Variants in GK5 observed in about 807,000 individuals in gnomAD.
GK5 encodes the protein ATP:glycerol 3-phosphotransferase 5.
In GK5, 39 loss-of-function variants were observed where a neutral mutation model predicts 77.3. The observed-to-expected ratio is 0.50, with a 90% CI of 0.39 to 0.66. The LOEUF (loss-of-function observed/expected upper bound fraction) is 0.66. Among genes scored for constraint, GK5 ranks in the 30% least tolerant of loss-of-function variants. GK5 has a pLI of 0.00. For synonymous variants in GK5, 211 were observed against 208.0 expected (o/e 1.01, Z -0.13); for missense variants, 487 against 633.8 (o/e 0.77, Z 2.49).
At chr3:142,192,701 T>A (rs1285223759) in intron 5 of GK5, among the ~76,000 whole-genome samples, 2 of 151,266 alleles carry the variant, frequency 1.3e-5, no homozygotes, top group Non-Finnish European at 2.9e-5. Context: ...GAGGTAGAGG[T>A]TGCAGTGAGC....
chr3:142,216,472 A>C (rs1214327129), intron 1 of GK5, among the ~76,000 whole-genome samples: 1 of 152,072 alleles, frequency 6.6e-6, no homozygotes, highest in African/African-American at 2.4e-5. Flanking sequence ...ATCCTGAGGA[A>C]GGTAAAACTT....
At chr3:142,199,229 T>G (rs529216433) in intron 4 of GK5, among the ~76,000 whole-genome samples, 3 of 152,142 alleles carry the variant, frequency 2.0e-5, no homozygotes, top group Non-Finnish European at 4.4e-5. Context: ...CTCTACCTAT[T>G]TTTAACTATG....
At chr3:142,186,632 T>C (rs990415930) in intron 6 of GK5, 119 bp from the exon 7 acceptor site, 142 of 258,666 alleles carry the variant, frequency 5.5e-4, no homozygotes, top group Admixed American at 8.7e-4. Flanking sequence ...TGTATTTTCT[T>C]TTTTTTTTTT....
At chr3:142,201,778 T>G (rs1197713202) in intron 4 of GK5, among the ~76,000 whole-genome samples, 1 of 152,216 alleles carries the variant, frequency 6.6e-6, no homozygotes, top group East Asian at 1.9e-4. Flanking sequence ...GGGGAGAAAG[T>G]GCAAAGAGTC....
rs1453172956 is a variant in GK5 at position 142,191,759 on chromosome 3, T to C, written c.544-3980A>G. Among the ~76,000 whole-genome samples, 5 of 152,046 alleles carry C rather than the reference T, an allele frequency of 3.3e-5. No individual in the cohort carries two copies. The East Asian group carries it at 9.6e-4, about 29-fold the overall frequency. ...ATCACTTGAACCCAGGAAGTAGAGG[T>C]TGCAGTGAGCCGAGATGATGCCAAT... On this transcript the variant is annotated intron_variant, in intron 5 of 15. Coordinates refer to ENST00000392993, the MANE Select transcript of GK5 (RefSeq NM_001039547.3).
intron 12 of GK5, among the ~76,000 whole-genome samples, chr3:142,172,855 C>T (rs996136823): frequency 1.7e-4 from 26 of 152,178 alleles, no homozygotes; most frequent in African/African-American, 5.8e-4. Context: ...TAGCTTTCTA[C>T]AAAAATGTAC....
At chr3:142,211,480 T>C (rs778622396) in intron 3 of GK5, among the ~76,000 whole-genome samples, 2 of 152,088 alleles carry the variant, frequency 1.3e-5, no homozygotes, top group Non-Finnish European at 2.9e-5. Flanking sequence ...CAATCTGAGA[T>C]GCAGCATGTC....
chr3:142,168,566 A>G (rs1376119413), intron 15 of GK5, among the ~76,000 whole-genome samples: 1 of 152,152 alleles, frequency 6.6e-6, no homozygotes. Context: ...ATCCCCCAGA[A>G]AGAAACACAT....
At position 142,216,797 on chromosome 3, in the gene GK5, T is replaced by C. The variant is rs78879618; in HGVS notation, c.148-1105A>G. Among the ~76,000 whole-genome samples, 962 of 152,224 alleles carry C rather than the reference T, an allele frequency of 6.3e-3. 14 individuals are homozygous for C. Among genetic ancestry groups the C allele is most frequent in the African/African-American group, 0.022 (907 of 41,520 alleles). On this transcript the variant is annotated intron_variant, in intron 1 of 15. Coordinates refer to ENST00000392993, the MANE Select transcript of GK5 (RefSeq NM_001039547.3). ...AAATACTAAGAACAGAACTAAAGGA[T>C]AGATCACTGCCCAGGTCCCAGACTG...
intron 15 of GK5, among the ~76,000 whole-genome samples, chr3:142,167,244 C>T (rs1317802536): frequency 1.3e-5 from 2 of 151,784 alleles, no homozygotes; most frequent in South Asian, 2.1e-4. Context: ...CGTGGTGGCA[C>T]GCGCCTATAG....
chr3:142,209,049 T>C (rs1277627654), intron 3 of GK5, among the ~76,000 whole-genome samples: 1 of 151,702 alleles, frequency 6.6e-6, no homozygotes, highest in Non-Finnish European at 1.5e-5. Context: ...CTCGGGAGGC[T>C]GAGGCAGGAG....
At chr3:142,171,556 T>C (rs2063540641) in intron 13 of GK5, 78 bp from the exon 14 acceptor site, 1 of 964,250 alleles carries the variant, frequency 1.0e-6, no homozygotes, top group Non-Finnish European at 1.4e-6. Flanking sequence ...TCTTGAAAAA[T>C]ACAAACTATA....
intron 1 of GK5, among the ~76,000 whole-genome samples, chr3:142,222,634 G>A (rs1435819859): frequency 6.6e-6 from 1 of 151,876 alleles, no homozygotes; most frequent in Non-Finnish European, 1.5e-5. Context: ...TAGTCCTAGT[G>A]CAGTAACTCG....
Position 142,163,410 on chromosome 3 carries a change from G to A in GK5, c.*2212C>T, listed in dbSNP as rs561601481. 1 of 152,030 alleles carries A rather than the reference G, an allele frequency of 6.6e-6. No homozygotes were observed. Among genetic ancestry groups the A allele is most frequent in the South Asian group, 2.1e-4 (1 of 4,814 alleles). The allele number at this position is 152,030 out of a possible 1,614,324, so 9.4% of individuals were successfully genotyped here. On this transcript the variant is annotated 3_prime_UTR_variant, in exon 16 of 16. Coordinates refer to ENST00000392993, the MANE Select transcript of GK5 (RefSeq NM_001039547.3). ...CTGCCTCAGCCTCCCGAGTAGCTGG[G>A]ATTACAGGCTTGCACCACCACATCC...
At chr3:142,190,853 A>AC (rs1560221465) in intron 5 of GK5, among the ~76,000 whole-genome samples, 1 of 152,170 alleles carries the variant, frequency 6.6e-6, no homozygotes, top group Non-Finnish European at 1.5e-5. Flanking sequence ...AAAGAAAAAA[A>AC]GTGTTAAACC....
chr3:142,215,649 G>T lies in GK5; in HGVS notation c.191C>A (p.Pro64His), dbSNP rs1334060959. 2 of 1,599,216 alleles carry T rather than the reference G, an allele frequency of 1.3e-6. No homozygotes were observed. Among genetic ancestry groups the T allele is most frequent in the Non-Finnish European group, 1.7e-6 (2 of 1,168,812 alleles). ...AACAAATTGAATCCAAAGAACATCA[G>T]GATCAATTTCTACCCAGCCAATTTG... is the stretch of plus-strand genomic sequence containing the variant. ...YPQIGWVEID[P>H]DVLWIQFVAV... The change falls in exon 2 of 16, where the codon CCT becomes CAT. Residue 64 changes from proline to histidine, a missense_variant. Around this residue, in one of 4 missense-constraint regions of GK5, gnomAD observed 97 missense variants for 86.9 expected, o/e 1.12. Transcript: ENST00000392993.
At chr3:142,224,443 A>G (rs1049815025) in intron 1 of GK5, among the ~76,000 whole-genome samples, 25 of 152,238 alleles carry the variant, frequency 1.6e-4, no homozygotes, top group Admixed American at 2.6e-4. Flanking sequence ...TAAGAACACC[A>G]TAACAAATAA....
chr3:142,200,459 C>T (rs1341293176), intron 4 of GK5, among the ~76,000 whole-genome samples: 1 of 152,176 alleles, frequency 6.6e-6, no homozygotes, highest in Non-Finnish European at 1.5e-5. Context: ...TGAACCACTG[C>T]ACCCTGTCAT....
intron 15 of GK5, among the ~76,000 whole-genome samples, chr3:142,168,574 C>G (rs561903607): frequency 6.6e-6 from 1 of 152,276 alleles, no homozygotes; most frequent in African/African-American, 2.4e-5. Flanking sequence ...GAAAGAAACA[C>G]ATTAAAATAC....
Sources: allele counts gnomAD v4.1 joint callset (sites outside exome capture counted in the v4.1 genomes callset), GRCh38; gene constraint gnomAD v4.1.1; regional missense constraint gnomAD v4.1.1; transcripts MANE v1.5; gene names NCBI Gene and HGNC (gene_info 2026-07-23, HGNC 2026-07-21).